The following LHFPL2 variants were observed in gnomAD, a reference collection of about 807,000 sequenced individuals.
LHFPL2 encodes the protein LHFPL tetraspan subfamily member 2, also known as LHFPL tetraspan subfamily member 2 protein.
A neutral mutation model predicts 17.5 loss-of-function variants in LHFPL2; 7 were observed. The observed-to-expected ratio is 0.40, with a 90% CI of 0.23 to 0.75. The LOEUF (loss-of-function observed/expected upper bound fraction) is 0.75. Ranked by LOEUF, LHFPL2 falls within the 30% of genes least tolerant of loss-of-function variation. LHFPL2 has a pLI of 0.37. For synonymous variants in LHFPL2, 134 were observed against 116.2 expected, an observed-to-expected ratio of 1.15 and a Z score of -0.99; for missense variants, 241 against 294.8, an observed-to-expected ratio of 0.82 and a Z score of 1.34.
intron 2 of LHFPL2, among the ~76,000 whole-genome samples, chr5:78,592,616 T>A: frequency 7.8e-6 from 1 of 127,824 alleles, no homozygotes; most frequent in East Asian, 2.1e-4. Context: ...AGTGAAAAAT[T>A]CAGATACACA....
In LHFPL2 at chr5:78,584,993, G is replaced by GT. The variant is rs1561352310; in HGVS notation, c.-244-20123dup. ...GCGGGATATAATCTCCTGGTGCGCTGTGTTTTTTTTTTTTTTTTTTTTTTT... is the reference window on the plus strand; with the variant it reads ...GCGGGATATAATCTCCTGGTGCGCTGTTGTTTTTTTTTTTTTTTTTTTTTTT... On this transcript the variant is annotated intron_variant, in intron 2 of 4. Coordinates refer to ENST00000380345, the MANE Select transcript of LHFPL2 (RefSeq NM_005779.3). Among the ~76,000 whole-genome samples, 21 of 84,772 alleles carry GT rather than the reference G, an allele frequency of 2.5e-4. 1 individual carries two copies. Among genetic ancestry groups the GT allele is most frequent in the African/African-American group, 9.4e-4 (19 of 20,192 alleles). The allele number at this position is 84,772 out of a possible 152,430, so 55.6% of individuals were successfully genotyped here.
intron 2 of LHFPL2, among the ~76,000 whole-genome samples, chr5:78,590,509 C>A (rs1475407710): frequency 1.3e-5 from 2 of 151,966 alleles, no homozygotes; most frequent in Non-Finnish European, 2.9e-5. Context: ...GGATGTTATT[C>A]AATTTTTTTT....
intron 4 of LHFPL2, chr5:78,494,349 G>T: frequency 1.2e-5 from 12 of 985,190 alleles, no homozygotes; most frequent in Non-Finnish European, 1.3e-5. Flanking sequence ...AGGTCACCTG[G>T]AGGGCTGCTC....
intron 2 of LHFPL2, among the ~76,000 whole-genome samples, chr5:78,601,801 G>A (rs1744027025): frequency 6.6e-6 from 1 of 152,086 alleles, no homozygotes; most frequent in Non-Finnish European, 1.5e-5. Context: ...CTAACTTTCA[G>A]TCTCTTCATG....
At chr5:78,522,381 T>C (rs548493753) in intron 3 of LHFPL2, among the ~76,000 whole-genome samples, 24 of 152,262 alleles carry the variant, frequency 1.6e-4, no homozygotes, top group African/African-American at 5.8e-4. Context: ...GAGGTTGCAG[T>C]GAGCCGAGAT....
intron 2 of LHFPL2, among the ~76,000 whole-genome samples, chr5:78,620,527 C>T (rs1744814412): frequency 6.6e-6 from 1 of 152,172 alleles, no homozygotes; most frequent in Non-Finnish European, 1.5e-5. Flanking sequence ...AGTCTCACGC[C>T]AAGGCAATGG....
rs759416286 is a variant in LHFPL2, at chr5:78,627,236, C to T, written c.-245+5028G>A. Among the ~76,000 whole-genome samples the T allele has an allele frequency of 6.8e-4, 103 of 152,270 alleles. 1 individual carries two copies. Among genetic ancestry groups the T allele is most frequent in the Middle Eastern group, 3.4e-3 (1 of 294 alleles). ...GGCTGAGCCCCAGCAAGACTCCTGACGAGGCAGTGGATGCCTTGTCCTTTC... is the reference window on the plus strand; with the variant it reads ...GGCTGAGCCCCAGCAAGACTCCTGATGAGGCAGTGGATGCCTTGTCCTTTC... On this transcript the variant is annotated intron_variant, in intron 2 of 4. Transcript: ENST00000380345.
intron 3 of LHFPL2, among the ~76,000 whole-genome samples, chr5:78,541,056 A>C (rs1756098186): frequency 6.6e-6 from 1 of 152,202 alleles, no homozygotes; most frequent in African/African-American, 2.4e-5. Context: ...CATTAAGAAC[A>C]AAGGAACAGA....
At chr5:78,532,488 A>T (rs1283629527) in intron 3 of LHFPL2, among the ~76,000 whole-genome samples, 1 of 152,156 alleles carries the variant, frequency 6.6e-6, no homozygotes, top group Admixed American at 6.5e-5. Flanking sequence ...AAGCAGAAAG[A>T]CAGAAAGAGC....
intron 3 of LHFPL2, among the ~76,000 whole-genome samples, chr5:78,554,054 T>C (rs975208278): frequency 6.6e-6 from 1 of 152,264 alleles, no homozygotes; most frequent in Non-Finnish European, 1.5e-5. Flanking sequence ...TACTCCAGCA[T>C]TGATCAGGCG....
chr5:78,583,412 G>A (rs1245080850), intron 2 of LHFPL2, among the ~76,000 whole-genome samples: 12 of 150,630 alleles, frequency 8.0e-5, no homozygotes, highest in South Asian at 2.1e-4. Context: ...ATTTTGCAGC[G>A]GCTGGTACTG....
At chr5:78,512,109 C>T (rs1004528552) in intron 3 of LHFPL2, among the ~76,000 whole-genome samples, 1 of 152,094 alleles carries the variant, frequency 6.6e-6, no homozygotes, top group African/African-American at 2.4e-5. Context: ...AACTCCCTGC[C>T]CTCCGAAGCT....
chr5:78,503,418 C>G (rs1338223482), intron 4 of LHFPL2, among the ~76,000 whole-genome samples: 2 of 152,198 alleles, frequency 1.3e-5, no homozygotes, highest in Non-Finnish European at 2.9e-5. Context: ...CCCGTCTTGG[C>G]CAGGTGCGGT....
intron 3 of LHFPL2, among the ~76,000 whole-genome samples, chr5:78,535,775 G>T (rs1344646311): frequency 6.6e-6 from 1 of 152,166 alleles, no homozygotes; most frequent in Non-Finnish European, 1.5e-5. Flanking sequence ...GAACACCTTG[G>T]GGAAGGGCAG....
chr5:78,567,731 G>A (rs1200697547), intron 2 of LHFPL2, among the ~76,000 whole-genome samples: 8 of 151,988 alleles, frequency 5.3e-5, no homozygotes, highest in African/African-American at 2.4e-5. Flanking sequence ...TGCAAGAAGT[G>A]GTGTTAATAT....
chr5:78,513,444 T>C (rs1265955263), intron 3 of LHFPL2, among the ~76,000 whole-genome samples: 2 of 152,182 alleles, frequency 1.3e-5, no homozygotes, highest in East Asian at 1.9e-4. Context: ...CTGTTTTCAA[T>C]AGGGGGATAA....
At chr5:78,509,153 G>A (rs1306917488) in intron 4 of LHFPL2, among the ~76,000 whole-genome samples, 1 of 152,200 alleles carries the variant, frequency 6.6e-6, no homozygotes, top group African/African-American at 2.4e-5. Flanking sequence ...CCAGAAAATG[G>A]AAGAGTTCGC....
intron 2 of LHFPL2, among the ~76,000 whole-genome samples, chr5:78,578,587 A>G (rs1284724390): frequency 2.2e-3 from 89 of 39,994 alleles, no homozygotes; most frequent in East Asian, 0.021. Flanking sequence ...GCATATGTGC[A>G]CACACACACA....
intron 2 of LHFPL2, among the ~76,000 whole-genome samples, chr5:78,571,083 C>T (rs568402242): frequency 6.6e-6 from 1 of 152,264 alleles, no homozygotes; most frequent in African/African-American, 2.4e-5. Flanking sequence ...GGTTCCTTCT[C>T]GCATCTTTCC....
Sources: gnomAD v4.1 joint callset for allele counts (sites outside exome capture counted in the v4.1 genomes callset) on GRCh38, gnomAD v4.1.1 for gene constraint, MANE v1.5 for transcripts, NCBI Gene and HGNC (gene_info 2026-07-23, HGNC 2026-07-21) for gene names.